The following PRKD3 variants were observed in gnomAD, a reference collection of about 807,000 sequenced individuals.
The protein encoded by PRKD3 is protein kinase D3, also known as serine/threonine-protein kinase D3.
A neutral mutation model predicts 99.2 loss-of-function variants in PRKD3; 47 were observed. The ratio of observed to expected loss-of-function variants is 0.47; its 90% CI spans 0.38 to 0.60. The LOEUF (loss-of-function observed/expected upper bound fraction) is 0.60. Among genes scored for constraint, PRKD3 ranks in the 20% least tolerant of loss-of-function variants. The probability of loss-of-function intolerance (pLI) is 0.00; values close to 1 mark genes in which losing one functional copy is unlikely to be tolerated. For synonymous variants in PRKD3, 392 were observed against 355.4 expected (o/e 1.10, Z -1.16); for missense variants, 1,019 against 1,088.4 (o/e 0.94, Z 0.90).
intron 1 of PRKD3, among the ~76,000 whole-genome samples, chr2:37,323,914 G>T (rs939720455): frequency 9.9e-5 from 15 of 152,098 alleles, no homozygotes; most frequent in African/African-American, 2.9e-4. Flanking sequence ...TGGAAAAGTC[G>T]GCAGGTCGCG....
chr2:37,323,449 T>C (rs1671969325), intron 1 of PRKD3, among the ~76,000 whole-genome samples: 1 of 151,998 alleles, frequency 6.6e-6, no homozygotes, highest in African/African-American at 2.4e-5. Flanking sequence ...ACGGTTTCTG[T>C]GTGACACGTT....
At position 37,256,371 on chromosome 2, in the gene PRKD3, C is replaced by G. The variant is rs920983281; in HGVS notation, c.2413+291G>C. On this transcript the variant is annotated intron_variant, in intron 17 of 18. Transcript: ENST00000234179. Reference sequence around the variant, plus strand: ...TTTGGCAGTAGTGACTAGGAAGGACCAGAAAAGAGTTTAACAGGTAAGACA... The same window carrying G: ...TTTGGCAGTAGTGACTAGGAAGGACGAGAAAAGAGTTTAACAGGTAAGACA... 2.0e-5 allele frequency among the ~76,000 whole-genome samples: 3 copies of G among 152,172 alleles called. No homozygotes were observed. In the South Asian group the frequency reaches 6.2e-4, roughly 32 times the overall value.
At chr2:37,263,398 T>A (rs1668612106) in intron 14 of PRKD3, among the ~76,000 whole-genome samples, 1 of 152,220 alleles carries the variant, frequency 6.6e-6, no homozygotes, top group Non-Finnish European at 1.5e-5. Context: ...TGAGGCATTC[T>A]TTGTTTTTAG....
At chr2:37,271,248 G>T (rs1361090182) in intron 12 of PRKD3, among the ~76,000 whole-genome samples, 2 of 151,928 alleles carry the variant, frequency 1.3e-5, no homozygotes, top group East Asian at 1.9e-4. Context: ...TAGTCCAGGG[G>T]TTAGCAAACT....
chr2:37,258,800 A>T (rs1668178668), intron 16 of PRKD3, among the ~76,000 whole-genome samples: 1 of 152,210 alleles, frequency 6.6e-6, no homozygotes, highest in Non-Finnish European at 1.5e-5. Context: ...AGTTATATTT[A>T]CCAAGTGAAA....
rs1572596494 is a variant in PRKD3 at position 37,254,298 on chromosome 2, A to C, written c.2414-9T>G. The C allele has an allele frequency of 1.2e-6, 2 of 1,607,994 alleles. No individual in the cohort carries two copies. The highest frequency in any genetic ancestry group is 4.5e-5 in the East Asian group (2 of 44,824). On this transcript the variant is annotated splice_polypyrimidine_tract_variant and intron_variant, in intron 17 of 18. Coordinates refer to ENST00000234179, the MANE Select transcript of PRKD3 (RefSeq NM_005813.6). ...GTTTATCAGATCAATTGCTAAGGGA[A>C]AAGACAAAACAAGATACATGAATTT...
chr2:37,268,283 G>C, intron 13 of PRKD3: 1 of 469,364 alleles, frequency 2.1e-6, no homozygotes, highest in Non-Finnish European at 4.4e-6. Flanking sequence ...TGCATTTTTG[G>C]TAAGAAGCCA....
At chr2:37,262,121 C>T (rs150085332) in intron 14 of PRKD3, among the ~76,000 whole-genome samples, 38 of 152,258 alleles carry the variant, frequency 2.5e-4, no homozygotes, top group South Asian at 1.7e-3. Context: ...ATGACCCCGT[C>T]GCAAAATGAG....
intron 14 of PRKD3, among the ~76,000 whole-genome samples, chr2:37,260,880 C>T (rs773126815): frequency 8.5e-5 from 13 of 152,146 alleles, no homozygotes; most frequent in Non-Finnish European, 1.8e-4. Flanking sequence ...AACATCTCTA[C>T]CCACATTATC....
At chr2:37,293,089 C>G (rs1401537531) in intron 3 of PRKD3, 44 bp downstream of exon 3, 2 of 1,503,416 alleles carry the variant, frequency 1.3e-6, no homozygotes, top group Non-Finnish European at 1.8e-6. Flanking sequence ...AAATTAGGCT[C>G]TTTGAGGGGA....
intron 9 of PRKD3, 148 bp downstream of exon 9, chr2:37,277,718 A>G: frequency 1.3e-6 from 1 of 787,496 alleles, no homozygotes; most frequent in Non-Finnish European, 1.8e-6. Context: ...TACAAATTTA[A>G]CTATAATTCC....
rs535576727 is a variant in PRKD3, at chr2:37,263,047, T to G, written c.1885-2663A>C. Among the ~76,000 whole-genome samples the G allele has an allele frequency of 5.3e-5, 8 of 152,242 alleles. No homozygotes were observed. The South Asian group carries it at 1.7e-3, about 32-fold the overall frequency. On this transcript the variant is annotated intron_variant, in intron 14 of 18. Coordinates refer to ENST00000234179, the MANE Select transcript of PRKD3 (RefSeq NM_005813.6). ...TATTTCTTTTCTGTATTTATTAATT[T>G]TCATTTTTGATCTGTTATTCCTTTC... is the stretch of plus-strand genomic sequence containing the variant.
chr2:37,272,420 G>C lies in PRKD3; in HGVS notation c.1664C>G (p.Thr555Arg), dbSNP rs1466238722. 2 of 1,604,952 alleles carry C rather than the reference G, an allele frequency of 1.2e-6. No homozygotes were observed. Among genetic ancestry groups the C allele is most frequent in the African/African-American group, 2.7e-5 (2 of 74,218 alleles). Reference protein sequence around the residue: ...GQGKDHKDLSTSISVSNCQIQ... With the variant: ...GQGKDHKDLSRSISVSNCQIQ... The stretch of plus-strand genomic sequence containing the variant: ...CTGACAATTAGATACAGAGATACTT[G>C]TAGACAAATCTTCTGTAAAATATAA... Residue 555 changes from threonine to arginine, a missense_variant, in exon 12 of 19, where the codon ACA (threonine) becomes AGA (arginine). Thr to Arg is a moderately conservative substitution (Grantham distance 71, BLOSUM62 -1). Transcript: ENST00000234179.
chr2:37,305,306 C>T (rs1048080676), intron 2 of PRKD3, among the ~76,000 whole-genome samples: 4 of 152,170 alleles, frequency 2.6e-5, no homozygotes, highest in African/African-American at 7.2e-5. Flanking sequence ...TCACGTAAAT[C>T]GTCAAAACTA....
At chr2:37,290,224 G>GT (rs1670336537) in intron 4 of PRKD3, among the ~76,000 whole-genome samples, 1 of 152,092 alleles carries the variant, frequency 6.6e-6, no homozygotes, top group Admixed American at 6.5e-5. Flanking sequence ...TTAGTTGTAT[G>GT]TAAGAGACAA....
At position 37,321,625 on chromosome 2, in the gene PRKD3, G is replaced by A. The variant is rs182549692; in HGVS notation, c.-656+3056C>T. On this transcript the variant is annotated intron_variant, in intron 1 of 18. Coordinates refer to ENST00000234179, the MANE Select transcript of PRKD3 (RefSeq NM_005813.6). ...ACACTGGAGTTATAGAGCAGTGACCGAAACAGACATGGCCACTGCTCTCTC... is the reference window on the plus strand; with the variant it reads ...ACACTGGAGTTATAGAGCAGTGACCAAAACAGACATGGCCACTGCTCTCTC... Among the ~76,000 whole-genome samples, 38 of 152,314 alleles carry A rather than the reference G, an allele frequency of 2.5e-4. 1 individual carries two copies. Among genetic ancestry groups the A allele is most frequent in the Admixed American group, 1.4e-3 (22 of 15,298 alleles).
At position 37,290,902 on chromosome 2, in the gene PRKD3, G is replaced by A. The variant is rs10177176; in HGVS notation, c.525C>T (p.Leu175=). The A allele has an allele frequency of 1.2e-6, 2 of 1,605,142 alleles. No homozygotes were observed. Among genetic ancestry groups the A allele is most frequent in the Non-Finnish European group, 1.7e-6 (2 of 1,172,324 alleles). ...PTFCDYCGEM[L]WGLVRQGLKC... ...TCAGTCCTTGACGTACCAATCCCCAGAGCATCTCACCACAGTAATCACAGA... is the reference window on the plus strand; with the variant it reads ...TCAGTCCTTGACGTACCAATCCCCAAAGCATCTCACCACAGTAATCACAGA... The change falls in exon 4 of 19, where the codon CTC becomes CTT. Residue 175 remains leucine, a synonymous_variant. Transcript: ENST00000234179.
At chr2:37,278,100 A>C (rs1669662696) in intron 8 of PRKD3, 111 bp from the exon 9 acceptor site, 1 of 825,242 alleles carries the variant, frequency 1.2e-6, no homozygotes, top group Admixed American at 3.6e-5. Flanking sequence ...TTTTCAAAAT[A>C]TCTTAGTAAA....
chr2:37,309,846 C>CAAAAAAAAAAAAAAAAA (rs33959650), intron 2 of PRKD3, among the ~76,000 whole-genome samples: 1 of 98,422 alleles, frequency 1.0e-5, no homozygotes, highest in Non-Finnish European at 2.0e-5. Flanking sequence ...GACTCCGTCT[C>CAAAAAAAAAAAAAAAAA]AAAAAAAAAA....
Sources: allele counts gnomAD v4.1 joint callset (sites outside exome capture counted in the v4.1 genomes callset), GRCh38; gene constraint gnomAD v4.1.1; transcripts MANE v1.5; gene names NCBI Gene and HGNC (gene_info 2026-07-23, HGNC 2026-07-21).